NME7: variants seen among roughly 807,000 people sequenced by gnomAD.
NME7 encodes the protein NME/NM23 family member 7.
Under a neutral mutation model 49.1 loss-of-function variants are expected in NME7, and 41 were observed. The ratio of observed to expected loss-of-function variants is 0.83; its 90% confidence interval spans 0.65 to 1.08. The LOEUF (loss-of-function observed/expected upper bound fraction) is 1.08, where lower values mean the gene tolerates loss of function less well. NME7 is among the 50% of genes least tolerant of loss of function. NME7 has a pLI of 0.00. For synonymous variants in NME7, 139 were observed against 150.6 expected, an observed-to-expected ratio of 0.92 and a Z score of 0.56; for missense variants, 423 against 463.4, an observed-to-expected ratio of 0.91 and a Z score of 0.80.
chr1:169,338,019 T>A (rs933864304), intron 1 of NME7, among the ~76,000 whole-genome samples: 2 of 152,128 alleles, frequency 1.3e-5, no homozygotes, highest in African/African-American at 2.4e-5. Flanking sequence ...GTAAAAAGGG[T>A]CTTCACGTGT....
intron 10 of NME7, among the ~76,000 whole-genome samples, chr1:169,224,028 C>G (rs889553454): frequency 3.3e-5 from 5 of 152,152 alleles, no homozygotes; most frequent in African/African-American, 1.2e-4. Flanking sequence ...TGAATTCTAC[C>G]ACATATAACC....
intron 1 of NME7, among the ~76,000 whole-genome samples, chr1:169,355,546 C>T (rs969908030): frequency 2.7e-5 from 4 of 150,618 alleles, no homozygotes; most frequent in African/African-American, 9.8e-5. Flanking sequence ...TTCTCTGCTC[C>T]AGTTACACTG....
At chr1:169,264,337 T>C (rs1226404194) in intron 7 of NME7, among the ~76,000 whole-genome samples, 1 of 134,228 alleles carries the variant, frequency 7.5e-6, no homozygotes. Flanking sequence ...CATGGTATGC[T>C]GTCTTCAGGT....
At chr1:169,221,550 TA>T (rs1167025581) in intron 10 of NME7, among the ~76,000 whole-genome samples, 1 of 152,170 alleles carries the variant, frequency 6.6e-6, no homozygotes, top group Non-Finnish European at 1.5e-5. Context: ...TCAAGAGCTT[TA>T]TATGTATATA....
At chr1:169,179,506 C>T (rs1659864359) in intron 10 of NME7, among the ~76,000 whole-genome samples, 1 of 152,116 alleles carries the variant, frequency 6.6e-6, no homozygotes, top group Non-Finnish European at 1.5e-5. Flanking sequence ...GACATATGCA[C>T]CTGTATGTTC....
chr1:169,153,553 C>T (rs1486516309), intron 11 of NME7, among the ~76,000 whole-genome samples: 1 of 152,212 alleles, frequency 6.6e-6, no homozygotes, highest in African/African-American at 2.4e-5. Context: ...TTCAGCCACA[C>T]TCATACTGCT....
intron 10 of NME7, among the ~76,000 whole-genome samples, chr1:169,177,331 C>T (rs1049317984): frequency 6.6e-6 from 1 of 152,078 alleles, no homozygotes; most frequent in African/African-American, 2.4e-5. Context: ...GAATATTGGG[C>T]TTTTAGATTT....
chr1:169,170,368 C>A (rs1251335199), intron 10 of NME7, among the ~76,000 whole-genome samples: 1 of 152,110 alleles, frequency 6.6e-6, no homozygotes, highest in Non-Finnish European at 1.5e-5. Context: ...ACAGGTGTAG[C>A]TTAGGGTGCA....
intron 1 of NME7, among the ~76,000 whole-genome samples, chr1:169,347,191 C>G (rs533361920): frequency 5.7e-4 from 86 of 152,100 alleles, no homozygotes; most frequent in African/African-American, 2.0e-3. Flanking sequence ...CACAGTGAGA[C>G]GCCATCTCTA....
intron 11 of NME7, among the ~76,000 whole-genome samples, chr1:169,134,976 A>G (rs1034266860): frequency 7.2e-6 from 1 of 138,468 alleles, no homozygotes; most frequent in African/African-American, 2.7e-5. Context: ...GGAGTTCAAG[A>G]TCAGCCTAGA....
At chr1:169,349,403 T>A (rs1405182992) in intron 1 of NME7, among the ~76,000 whole-genome samples, 1 of 152,176 alleles carries the variant, frequency 6.6e-6, no homozygotes, top group African/African-American at 2.4e-5. Flanking sequence ...TTAAAGTTTT[T>A]AAATTTATTG....
At chr1:169,231,297 G>T (rs954056960) in intron 9 of NME7, among the ~76,000 whole-genome samples, 1 of 152,202 alleles carries the variant, frequency 6.6e-6, no homozygotes. Context: ...CATACACTGG[G>T]TGATGGGCAG....
chr1:169,159,547 G>C (rs1203957395), intron 11 of NME7, among the ~76,000 whole-genome samples: 1 of 152,136 alleles, frequency 6.6e-6, no homozygotes, highest in Non-Finnish European at 1.5e-5. Context: ...ATGGCTCTGA[G>C]ATTCTTCTTC....
chr1:169,325,983 T>C (rs982269736), intron 1 of NME7, among the ~76,000 whole-genome samples: 1 of 152,052 alleles, frequency 6.6e-6, no homozygotes, highest in African/African-American at 2.4e-5. Flanking sequence ...AGTATTGTAC[T>C]CACCTACAAA....
chr1:169,252,589 T>G (rs1225047892), intron 7 of NME7, among the ~76,000 whole-genome samples: 14 of 152,176 alleles, frequency 9.2e-5, no homozygotes, highest in Admixed American at 9.2e-4. Context: ...GTCGATTTTG[T>G]CTTTTGCTGC....
intron 10 of NME7, among the ~76,000 whole-genome samples, chr1:169,206,447 CAAGGAATAAA>C (rs1289397531): frequency 6.6e-6 from 1 of 152,026 alleles, no homozygotes; most frequent in Non-Finnish European, 1.5e-5. Flanking sequence ...AATACTAGGA[CAAGGAATAAA>C]AAGGAAGAAG....
chr1:169,328,059 C>T (rs954659136), intron 1 of NME7, among the ~76,000 whole-genome samples: 5 of 152,132 alleles, frequency 3.3e-5, no homozygotes, highest in Non-Finnish European at 5.9e-5. Flanking sequence ...ATGCTGAGTG[C>T]AACGAGCACA....
At chr1:169,286,298 T>A (rs753228355) in intron 7 of NME7, 1 of 152,148 alleles carries the variant, frequency 6.6e-6, no homozygotes, top group Non-Finnish European at 1.5e-5. Flanking sequence ...TTAATGGTTT[T>A]TTATTTCCAA....
At chr1:169,304,131 A>G (rs190060366) in intron 4 of NME7, among the ~76,000 whole-genome samples, 40 of 152,340 alleles carry the variant, frequency 2.6e-4, no homozygotes, top group Admixed American at 6.5e-4. Context: ...TAATTGTAAC[A>G]GGGATTTATT....
Sources: allele counts gnomAD v4.1 joint callset (sites outside exome capture counted in the v4.1 genomes callset), GRCh38; gene constraint gnomAD v4.1.1; transcripts MANE v1.5; gene names NCBI Gene and HGNC (gene_info 2026-07-23, HGNC 2026-07-21).